Variants in AGAP1 observed in about 807,000 individuals in gnomAD.
AGAP1 encodes the protein arf-GAP with GTPase, ANK repeat and PH domain-containing protein 1.
In AGAP1, 29 loss-of-function variants were observed where a neutral mutation model predicts 105.3. The observed-to-expected ratio is 0.28, with a 90% confidence interval of 0.21 to 0.38. The LOEUF is 0.38. AGAP1 is among the 10% of genes least tolerant of loss of function. AGAP1 has a pLI of 1.00. For synonymous variants in AGAP1, 509 were observed against 485.9 expected, an observed-to-expected ratio of 1.05 and a Z score of -0.63; for missense variants, 998 against 1,165.1, an observed-to-expected ratio of 0.86 and a Z score of 2.09.
intron 9 of AGAP1, among the ~76,000 whole-genome samples, chr2:235,812,467 C>T (rs1244048855): frequency 6.6e-6 from 1 of 152,214 alleles, no homozygotes; most frequent in Non-Finnish European, 1.5e-5. Flanking sequence ...CGCAGGCCAC[C>T]GACCTGTGTT....
chr2:235,562,212 CTG>C (rs1279094101), intron 1 of AGAP1, among the ~76,000 whole-genome samples: 1 of 152,158 alleles, frequency 6.6e-6, no homozygotes, highest in African/African-American at 2.4e-5. Flanking sequence ...GTGATTGAAA[CTG>C]TACCTTTATT....
At chr2:235,710,613 T>C (rs1950805870) in intron 2 of AGAP1, among the ~76,000 whole-genome samples, 1 of 152,214 alleles carries the variant, frequency 6.6e-6, no homozygotes, top group African/African-American at 2.4e-5. Flanking sequence ...TCCGCAAGAC[T>C]GGCCTGGAAA....
chr2:235,558,697 C>T (rs1944051218), intron 1 of AGAP1, among the ~76,000 whole-genome samples: 1 of 152,108 alleles, frequency 6.6e-6, no homozygotes, highest in African/African-American at 2.4e-5. Flanking sequence ...AGGACTCTGC[C>T]TCGAAATGTG....
In AGAP1 at chr2:235,927,119, A is replaced by G. The variant is rs889249717; in HGVS notation, c.1325-3646A>G. ...ACCTTGATGTGGCCCAAATTCAGTC[A>G]TGCTGTTTCAGTGTAGTCCCGCAGT... is the stretch of plus-strand genomic sequence containing the variant. On this transcript the variant is annotated intron_variant, in intron 11 of 17. Coordinates refer to ENST00000304032, the MANE Select transcript of AGAP1 (RefSeq NM_001037131.3). This position sits in a 1 kb window ranked among gnomAD's most constrained non-coding sequence, Gnocchi z 4.4. Among the ~76,000 whole-genome samples, 3 of 152,164 alleles carry G rather than the reference A, an allele frequency of 2.0e-5. No individual in the cohort carries two copies. Among genetic ancestry groups the G allele is most frequent in the Non-Finnish European group, 4.4e-5 (3 of 68,032 alleles).
At chr2:236,103,757 T>TG (rs911027677) in intron 16 of AGAP1, among the ~76,000 whole-genome samples, 1 of 152,058 alleles carries the variant, frequency 6.6e-6, no homozygotes, top group African/African-American at 2.4e-5. Flanking sequence ...TTAGTAGAGT[T>TG]GGGGTTTCAC....
At chr2:235,914,359 G>A (rs1013562228) in intron 11 of AGAP1, among the ~76,000 whole-genome samples, 1 of 152,130 alleles carries the variant, frequency 6.6e-6, no homozygotes, top group African/African-American at 2.4e-5. Flanking sequence ...ATTGGGGTGG[G>A]GGGAGGACAA....
In AGAP1 at chr2:235,968,664, G is replaced by A. The variant is rs79577109; in HGVS notation, c.1645+41G>A. ...TGCCCCGGGAGAGAGTCTCCACTGC[G>A]GAAAATTCTCTGTTATTTTTCAAAT... is the stretch of plus-strand genomic sequence containing the variant. On this transcript the variant is annotated intron_variant, in intron 13 of 17. Coordinates refer to ENST00000304032, the MANE Select transcript of AGAP1 (RefSeq NM_001037131.3). The A allele has an allele frequency of 1.3e-3, 2,077 of 1,576,866 alleles. 24 individuals are homozygous for A. The African/African-American group carries it at 0.025, about 19-fold the overall frequency.
chr2:235,736,289 A>G lies in AGAP1; in HGVS notation c.311-4674A>G, dbSNP rs1575272946. ...ACCTGTTCACAGGTGTGCCTGGGCCAGATGCATGTCTGACAGGGACATCAG... is the reference window on the plus strand; with the variant it reads ...ACCTGTTCACAGGTGTGCCTGGGCCGGATGCATGTCTGACAGGGACATCAG... On this transcript the variant is annotated intron_variant, in intron 3 of 17. Transcript: ENST00000304032. This position sits in a 1 kb window ranked among gnomAD's most constrained non-coding sequence, Gnocchi z 5.5. Among the ~76,000 whole-genome samples, 1 of 152,218 alleles carries G rather than the reference A, an allele frequency of 6.6e-6. No individual in the cohort carries two copies. The highest frequency in any genetic ancestry group is 2.1e-4 in the South Asian group (1 of 4,798).
chr2:235,972,612 T>C (rs6734997), intron 13 of AGAP1, among the ~76,000 whole-genome samples: 3 of 151,946 alleles, frequency 2.0e-5, no homozygotes, highest in Non-Finnish European at 4.4e-5. Context: ...GGTGAGGGTG[T>C]CCTCACTCTT....
At chr2:236,057,930 G>C (rs1279750722) in intron 16 of AGAP1, among the ~76,000 whole-genome samples, 3 of 152,174 alleles carry the variant, frequency 2.0e-5, no homozygotes, top group Non-Finnish European at 4.4e-5. Context: ...CAGTGAGAGG[G>C]ACAGGTGGTC....
At position 235,901,652 on chromosome 2, in the gene AGAP1, G is replaced by A. The variant is rs549723167; in HGVS notation, c.1156-7086G>A. Among the ~76,000 whole-genome samples, 3 of 152,254 alleles carry A rather than the reference G, an allele frequency of 2.0e-5. No individual in the cohort carries two copies. The highest frequency in any genetic ancestry group is 2.9e-5 in the Non-Finnish European group (2 of 68,018). ...TCCCAGCACTTTGGGAGGCCAAGGC[G>A]GGTGGGTCACCTGAAGTCAGAAGTT... On this transcript the variant is annotated intron_variant, in intron 10 of 17. Transcript: ENST00000304032. The surrounding 1 kb of genome is among the most constrained non-coding windows in gnomAD (Gnocchi z 4.3).
Position 236,036,743 on chromosome 2 carries a change from G to A in AGAP1, c.1800+28G>A. 3 of 1,613,466 alleles carry A rather than the reference G, an allele frequency of 1.9e-6. No homozygotes were observed. The highest frequency in any genetic ancestry group is 2.5e-6 in the Non-Finnish European group (3 of 1,179,744). ...GAGGCCCCTGGCTGCCCAAAACCAA[G>A]GCTGGGGCTGCTCAGGGGGAGTGCG... On this transcript the variant is annotated intron_variant, in intron 14 of 17. Coordinates refer to ENST00000304032, the MANE Select transcript of AGAP1 (RefSeq NM_001037131.3). The surrounding 1 kb of genome is among the most constrained non-coding windows in gnomAD (Gnocchi z 5.7).
rs1384258397 is a variant in AGAP1 at position 236,038,816 on chromosome 2, TGTA to T, written c.1801-1934_1801-1932del. On this transcript the variant is annotated intron_variant, in intron 14 of 17. Transcript: ENST00000304032. The surrounding 1 kb of genome is among the most constrained non-coding windows in gnomAD (Gnocchi z 4.5). Reference sequence around the variant, plus strand: ...ACAGAGAGACAGAGGCACATCCCTTTGTATGTGTGTGTGTGTGTGTGTGTGTGT... The same window carrying T: ...ACAGAGAGACAGAGGCACATCCCTTTTGTGTGTGTGTGTGTGTGTGTGTGT... 1.8e-5 allele frequency among the ~76,000 whole-genome samples: 1 copy of T among 54,096 alleles called. No individual in the cohort carries two copies. Among genetic ancestry groups the T allele is most frequent in the Non-Finnish European group, 3.6e-5 (1 of 27,632 alleles). 35.5% of individuals were successfully genotyped at this position (54,096 alleles called of 152,430 possible). A position where few individuals can be genotyped will look rare whatever the true frequency, so the allele number is the denominator to read the frequency against.
chr2:235,782,523 G>A (rs1956328941), intron 6 of AGAP1, among the ~76,000 whole-genome samples: 1 of 152,096 alleles, frequency 6.6e-6, no homozygotes, highest in African/African-American at 2.4e-5. Flanking sequence ...TCTTTAGATG[G>A]GTGCTAATGG....
At chr2:235,826,440 T>TC (rs1461994390) in intron 9 of AGAP1, among the ~76,000 whole-genome samples, 1 of 151,990 alleles carries the variant, frequency 6.6e-6, no homozygotes, top group Admixed American at 6.6e-5. Flanking sequence ...TTTTTTTTCT[T>TC]CCCCCACCCC....
chr2:235,980,432 G>A (rs377434447), intron 13 of AGAP1, among the ~76,000 whole-genome samples: 3 of 152,164 alleles, frequency 2.0e-5, no homozygotes, highest in Admixed American at 6.5e-5. Context: ...GAGAGCATCC[G>A]AACTCCTAGT....
intron 1 of AGAP1, among the ~76,000 whole-genome samples, chr2:235,649,432 G>C (rs1240442010): frequency 2.0e-5 from 3 of 152,160 alleles, no homozygotes; most frequent in Non-Finnish European, 4.4e-5. Context: ...GGGGTGTAGT[G>C]GTATGACTGT....
intron 12 of AGAP1, among the ~76,000 whole-genome samples, chr2:235,949,791 G>A (rs1209991809): frequency 6.6e-6 from 1 of 152,138 alleles, no homozygotes; most frequent in Non-Finnish European, 1.5e-5. Flanking sequence ...GCACCCCCGA[G>A]CACGTGGACC....
intron 1 of AGAP1, among the ~76,000 whole-genome samples, chr2:235,506,038 C>T (rs1005558424): frequency 2.7e-5 from 4 of 150,518 alleles, no homozygotes; most frequent in Non-Finnish European, 5.9e-5. Context: ...TCAAGTGATT[C>T]GCCTGCCTCA....
Sources: allele counts gnomAD v4.1 joint callset (sites outside exome capture counted in the v4.1 genomes callset), GRCh38; gene constraint gnomAD v4.1.1; non-coding constraint Gnocchi (gnomAD v3.1); transcripts MANE v1.5; gene names NCBI Gene and HGNC (gene_info 2026-07-23, HGNC 2026-07-21).